Variants in MMP24 observed in about 807,000 individuals in gnomAD.
The protein encoded by MMP24 is matrix metalloproteinase-24.
Under a neutral mutation model 62.8 loss-of-function variants are expected in MMP24, and 25 were observed. That is an observed-to-expected ratio of 0.40 (90% confidence interval 0.29 to 0.56). The LOEUF (loss-of-function observed/expected upper bound fraction) is 0.56, where lower values mean the gene tolerates loss of function less well. MMP24 is among the 20% of genes least tolerant of loss of function. The probability of loss-of-function intolerance (pLI) is 0.50; values close to 1 mark genes in which losing one functional copy is unlikely to be tolerated. For synonymous variants in MMP24, 319 were observed against 350.5 expected, an observed-to-expected ratio of 0.91 and a Z score of 1.00; for missense variants, 634 against 853.6, an observed-to-expected ratio of 0.74 and a Z score of 3.21.
At position 35,248,304 on chromosome 20, in the gene MMP24, C is replaced by A. The variant is rs1160809429; in HGVS notation, c.395+1316C>A. On this transcript the variant is annotated intron_variant, in intron 2 of 8. Coordinates refer to ENST00000246186, the MANE Select transcript of MMP24 (RefSeq NM_006690.4). ...TGGCTCTAAATTCTAGATTCCCCCC[C>A]CCTTTTTTTTTTTTTTGATGAGATG... 1.0e-4 allele frequency among the ~76,000 whole-genome samples: 15 copies of A among 146,930 alleles called. 1 individual carries two copies. The highest frequency in any genetic ancestry group is 5.8e-4 in the East Asian group (3 of 5,138).
At chr20:35,227,273 C>G (rs1486201623) in intron 1 of MMP24, among the ~76,000 whole-genome samples, 1 of 151,648 alleles carries the variant, frequency 6.6e-6, no homozygotes, top group Non-Finnish European at 1.5e-5. Context: ...GGGTGTGTGG[C>G]CTGCATGACT....
At position 35,267,388 on chromosome 20, in the gene MMP24, C is replaced by T. The variant is rs751209030; in HGVS notation, c.1163C>T (p.Ala388Val). The change falls in exon 6 of 9, where the codon GCC becomes GTC. Residue 388 changes from alanine (A) to valine (V), a missense_variant. By Grantham distance (64) the Ala-to-Val change is moderately conservative. This residue lies in a region of MMP24 where 399 missense variants were observed against 530.8 expected (regional missense o/e 0.75). Coordinates refer to ENST00000246186, the MANE Select transcript of MMP24 (RefSeq NM_006690.4). ...TGTGACGGCAACTTCAACACAGTGG[C>T]CCTCTTCCGGGGCGAGATGTTTGTC... is the stretch of plus-strand genomic sequence containing the variant. ...NICDGNFNTV[A>V]LFRGEMFVFK... The T allele has an allele frequency of 1.9e-5, 30 of 1,567,508 alleles. No homozygotes were observed. The highest frequency in any genetic ancestry group is 3.8e-5 in the Admixed American group (2 of 52,780).
intron 1 of MMP24, among the ~76,000 whole-genome samples, chr20:35,231,712 T>A (rs566025905): frequency 1.3e-5 from 2 of 152,228 alleles, no homozygotes; most frequent in South Asian, 2.1e-4. Flanking sequence ...TCAAAGATGA[T>A]GTGAATTGCC....
intron 2 of MMP24, 116 bp from the exon 3 acceptor site, chr20:35,251,789 G>A: frequency 5.2e-6 from 4 of 774,842 alleles, no homozygotes; most frequent in Non-Finnish European, 8.9e-6. Context: ...GTCCCAGAGT[G>A]TAGCTTGAGG....
chr20:35,229,537 C>T lies in MMP24; in HGVS notation c.246+2553C>T, dbSNP rs146582781. Reference sequence around the variant, plus strand: ...TAGACAAATTATATCCACTGCTTCTCTCAATAATTTGTGCCTAATTATCCT... The same window carrying T: ...TAGACAAATTATATCCACTGCTTCTTTCAATAATTTGTGCCTAATTATCCT... On this transcript the variant is annotated intron_variant, in intron 1 of 8. Transcript: ENST00000246186. Among the ~76,000 whole-genome samples, 267 of 152,316 alleles carry T rather than the reference C, an allele frequency of 1.8e-3. 1 individual carries two copies. The highest frequency in any genetic ancestry group is 6.0e-3 in the African/African-American group (249 of 41,570).
At position 35,276,384 on chromosome 20, in the gene MMP24, C is replaced by T. The variant is rs1372656012; in HGVS notation, c.*1775C>T. ...CTTTGCAAAGCACTTTATTAGCTCA[C>T]ACCTGTCCACTCACATGAAACTCGT... On this transcript the variant is annotated 3_prime_UTR_variant, in exon 9 of 9. Coordinates refer to ENST00000246186, the MANE Select transcript of MMP24 (RefSeq NM_006690.4). 1.0e-5 allele frequency: 4 copies of T among 398,524 alleles called. No homozygotes were observed. Among genetic ancestry groups the T allele is most frequent in the African/African-American group, 2.1e-5 (1 of 48,646 alleles). The allele number at this position is 398,524 out of a possible 1,614,324, so 24.7% of individuals were successfully genotyped here. A position where few individuals can be genotyped will look rare whatever the true frequency, so the allele number is the denominator to read the frequency against.
intron 1 of MMP24, among the ~76,000 whole-genome samples, chr20:35,230,941 T>G (rs1302771576): frequency 2.6e-5 from 4 of 152,216 alleles, no homozygotes; most frequent in African/African-American, 9.6e-5. Flanking sequence ...TGCTTTATTT[T>G]TCTCCACACC....
chr20:35,259,210 A>T (rs955086576), intron 4 of MMP24, among the ~76,000 whole-genome samples: 7 of 152,158 alleles, frequency 4.6e-5, no homozygotes, highest in Non-Finnish European at 7.4e-5. Context: ...AATACTTTTT[A>T]AAAAAATAGG....
chr20:35,241,882 G>A (rs902349245), intron 1 of MMP24, among the ~76,000 whole-genome samples: 3 of 152,170 alleles, frequency 2.0e-5, no homozygotes, highest in African/African-American at 7.2e-5. Context: ...CTTGTGAGTA[G>A]TTATCTGTTC....
chr20:35,264,151 C>G (rs6058215), intron 5 of MMP24, 199 bp downstream of exon 5: 1 of 534,506 alleles, frequency 1.9e-6, no homozygotes, highest in Non-Finnish European at 3.1e-6. Flanking sequence ...CCTGGGAAAC[C>G]TAGGGGAGGG....
chr20:35,228,304 TA>T, intron 1 of MMP24, among the ~76,000 whole-genome samples: 1 of 152,342 alleles, frequency 6.6e-6, no homozygotes, highest in Admixed American at 6.5e-5. Context: ...ATATGGTGTG[TA>T]AAAGAACCTT....
intron 4 of MMP24, among the ~76,000 whole-genome samples, chr20:35,256,668 G>A (rs1363842802): frequency 9.7e-5 from 13 of 133,460 alleles, no homozygotes; most frequent in East Asian, 2.3e-4. Context: ...ACAGTGAGCC[G>A]AGATCATGCC....
chr20:35,271,081 A>G lies in MMP24; in HGVS notation c.1334-488A>G, dbSNP rs2060666355. Among the ~76,000 whole-genome samples, 1 of 152,098 alleles carries G rather than the reference A, an allele frequency of 6.6e-6. No homozygotes were observed. The highest frequency in any genetic ancestry group is 1.5e-5 in the Non-Finnish European group (1 of 68,020). Reference sequence around the variant, plus strand: ...CTGAATACTGAGAGGAGAAGGAAAGAGAGGGTCAACAGTGAGGCTAGGACT... The same window carrying G: ...CTGAATACTGAGAGGAGAAGGAAAGGGAGGGTCAACAGTGAGGCTAGGACT... On this transcript the variant is annotated intron_variant, in intron 7 of 8. Coordinates refer to ENST00000246186, the MANE Select transcript of MMP24 (RefSeq NM_006690.4). The surrounding 1 kb of genome is among the most constrained non-coding windows in gnomAD (Gnocchi z 4.0).
At chr20:35,257,894 A>C (rs1477671074) in intron 4 of MMP24, among the ~76,000 whole-genome samples, 1 of 152,230 alleles carries the variant, frequency 6.6e-6, no homozygotes, top group Non-Finnish European at 1.5e-5. Context: ...CCTGAACTGG[A>C]ATGCAGTGAA....
At chr20:35,252,361 C>T (rs6058211) in intron 3 of MMP24, among the ~76,000 whole-genome samples, 10,982 of 152,146 alleles carry the variant, frequency 0.072, 1,056 homozygotes, top group African/African-American at 0.22. Context: ...TCGTGGCTTG[C>T]AGTGAGCTAT....
intron 1 of MMP24, among the ~76,000 whole-genome samples, chr20:35,228,085 T>C (rs2060422686): frequency 6.6e-6 from 1 of 152,108 alleles, no homozygotes. Flanking sequence ...CCCTAAGAGA[T>C]GGAGTATATT....
At chr20:35,246,016 C>CT (rs35003237) in intron 1 of MMP24, among the ~76,000 whole-genome samples, 1 of 151,684 alleles carries the variant, frequency 6.6e-6, no homozygotes, top group Admixed American at 6.6e-5. Context: ...TAGTGCCTTG[C>CT]TTTTTTGGGG....
intron 3 of MMP24, among the ~76,000 whole-genome samples, chr20:35,253,270 CT>C (rs34474017): frequency 0.13 from 9,971 of 78,924 alleles, 472 homozygotes; most frequent in South Asian, 0.19. Flanking sequence ...CAGAACGGGA[CT>C]TTTTTTTTTT....
At chr20:35,227,126 C>A (rs2060417487) in intron 1 of MMP24, 142 bp downstream of exon 1, 6 of 634,770 alleles carry the variant, frequency 9.5e-6, no homozygotes, top group Non-Finnish European at 1.2e-5. Flanking sequence ...GCCTTGGGTC[C>A]GGGCTGGCGC....
Sources: gnomAD v4.1 joint callset for allele counts (sites outside exome capture counted in the v4.1 genomes callset) on GRCh38, gnomAD v4.1.1 for gene constraint, gnomAD v4.1.1 regional missense constraint, Gnocchi (gnomAD v3.1) non-coding constraint, MANE v1.5 for transcripts, NCBI Gene and HGNC (gene_info 2026-07-23, HGNC 2026-07-21) for gene names.